The following LRRC4C variants were observed in gnomAD, a reference collection of about 807,000 sequenced individuals.
LRRC4C encodes the protein leucine rich repeat containing 4C.
In LRRC4C, 5 loss-of-function variants were observed where a neutral mutation model predicts 33.6. The observed-to-expected ratio is 0.15, with a 90% CI of 0.08 to 0.31. The LOEUF is 0.31. Among genes scored for constraint, LRRC4C ranks in the 10% least tolerant of loss-of-function variants. The probability of loss-of-function intolerance (pLI) is 1.00; values close to 1 mark genes in which losing one functional copy is unlikely to be tolerated. For synonymous variants in LRRC4C, 329 were observed against 302.0 expected (o/e 1.09, Z -0.93); for missense variants, 560 against 796.7 (o/e 0.70, Z 3.58).
chr11:40,995,428 A>G (rs1853899584), intron 1 of LRRC4C, among the ~76,000 whole-genome samples: 1 of 152,040 alleles, frequency 6.6e-6, no homozygotes, highest in Admixed American at 6.6e-5. Context: ...CTCCAACAAC[A>G]TGGCTAAATC....
chr11:40,133,190 G>A (rs1187509490), intron 6 of LRRC4C, among the ~76,000 whole-genome samples: 2 of 152,102 alleles, frequency 1.3e-5, no homozygotes, highest in Admixed American at 6.5e-5. Flanking sequence ...CTTCGAAAAT[G>A]CTCTGTGCTA....
intron 4 of LRRC4C, among the ~76,000 whole-genome samples, chr11:40,247,141 T>C (rs1866406719): frequency 6.6e-6 from 1 of 152,026 alleles, no homozygotes; most frequent in African/African-American, 2.4e-5. Flanking sequence ...AATTTAAATA[T>C]GGACCTTTTT....
At chr11:40,183,304 A>G (rs1861159311) in intron 5 of LRRC4C, among the ~76,000 whole-genome samples, 1 of 152,134 alleles carries the variant, frequency 6.6e-6, no homozygotes, top group African/African-American at 2.4e-5. Flanking sequence ...CTTTCATTTG[A>G]GTGCTTTTTC....
intron 4 of LRRC4C, among the ~76,000 whole-genome samples, chr11:40,276,479 A>C (rs2136396637): frequency 6.6e-6 from 1 of 152,286 alleles, no homozygotes; most frequent in African/African-American, 2.4e-5. Flanking sequence ...TCATTCAAAT[A>C]TGGAGCAGGC....
intron 3 of LRRC4C, among the ~76,000 whole-genome samples, chr11:40,409,649 C>T (rs542222630): frequency 1.8e-4 from 28 of 152,124 alleles, no homozygotes; most frequent in South Asian, 8.3e-4. Context: ...CATCATTAAT[C>T]GTCAGGAAAG....
chr11:40,204,579 C>T (rs1863006527), intron 5 of LRRC4C, among the ~76,000 whole-genome samples: 1 of 152,106 alleles, frequency 6.6e-6, no homozygotes, highest in Non-Finnish European at 1.5e-5. Context: ...GAGAGTTGAA[C>T]ATTCCTGCCT....
intron 1 of LRRC4C, among the ~76,000 whole-genome samples, chr11:41,154,383 C>T (rs1469456609): frequency 6.6e-6 from 1 of 152,140 alleles, no homozygotes; most frequent in East Asian, 1.9e-4. Context: ...TTCATTATGG[C>T]CTTTATCATT....
intron 3 of LRRC4C, among the ~76,000 whole-genome samples, chr11:40,512,134 A>G (rs1406807751): frequency 6.6e-6 from 1 of 152,186 alleles, no homozygotes; most frequent in Non-Finnish European, 1.5e-5. Context: ...ACACTAATCT[A>G]TAAATTCTAC....
chr11:41,026,646 CTTTAT>C (rs900840566), intron 1 of LRRC4C, among the ~76,000 whole-genome samples: 8 of 151,238 alleles, frequency 5.3e-5, no homozygotes, highest in East Asian at 1.9e-4. Context: ...TGCATTGTTT[CTTTAT>C]TTTAAGAAAT....
At chr11:41,158,194 T>A (rs1333568090) in intron 1 of LRRC4C, among the ~76,000 whole-genome samples, 1 of 152,114 alleles carries the variant, frequency 6.6e-6, no homozygotes, top group African/African-American at 2.4e-5. Context: ...AAAACAATTA[T>A]CAATTTGCTA....
intron 1 of LRRC4C, among the ~76,000 whole-genome samples, chr11:41,315,052 A>G (rs1464098787): frequency 2.0e-5 from 3 of 152,206 alleles, no homozygotes; most frequent in African/African-American, 7.2e-5. Flanking sequence ...CATATATTCT[A>G]CAAGTTATGA....
intron 1 of LRRC4C, among the ~76,000 whole-genome samples, chr11:41,230,630 T>C (rs771577593): frequency 6.6e-6 from 1 of 151,578 alleles, no homozygotes; most frequent in Non-Finnish European, 1.5e-5. Context: ...CTGCCAGTGG[T>C]GTTTTCCTTC....
At chr11:41,397,064 G>T (rs1347419271) in intron 1 of LRRC4C, among the ~76,000 whole-genome samples, 1 of 151,926 alleles carries the variant, frequency 6.6e-6, no homozygotes, top group African/African-American at 2.4e-5. Flanking sequence ...AAGTTATTGG[G>T]ATCATAGAGA....
At chr11:40,411,992 TA>T (rs1243691228) in intron 3 of LRRC4C, among the ~76,000 whole-genome samples, 3 of 152,084 alleles carry the variant, frequency 2.0e-5, no homozygotes, top group East Asian at 1.9e-4. Flanking sequence ...TTCTTAATGT[TA>T]AAAATATATG....
At chr11:41,064,825 G>C (rs1271502513) in intron 1 of LRRC4C, among the ~76,000 whole-genome samples, 1 of 152,180 alleles carries the variant, frequency 6.6e-6, no homozygotes, top group Non-Finnish European at 1.5e-5. Flanking sequence ...CGGAGTCGGG[G>C]GACCTCCCTT....
At position 40,893,818 on chromosome 11, in the gene LRRC4C, AACACACACACACACACACAC is replaced by A. The variant is rs55810825; in HGVS notation, c.-407+39797_-407+39816del. Among the ~76,000 whole-genome samples the A allele has an allele frequency of 4.3e-5, 3 of 70,054 alleles. No individual in the cohort carries two copies. In the East Asian group the frequency reaches 1.5e-3, roughly 34 times the overall value. The allele number at this position is 70,054 out of a possible 152,430, so 46.0% of individuals were successfully genotyped here. On this transcript the variant is annotated intron_variant, in intron 2 of 6. Transcript: ENST00000528697. ...GAAAAATGTTTTAGTTACGTATTAT[AACACACACACACACACACAC>A]ACACACACACACATTCACACAGAGG...
chr11:41,100,410 A>G (rs1565382847), intron 1 of LRRC4C, among the ~76,000 whole-genome samples: 1 of 151,940 alleles, frequency 6.6e-6, no homozygotes, highest in Non-Finnish European at 1.5e-5. Context: ...TACTAAAAAT[A>G]CAAAAAAGTA....
chr11:41,431,949 G>T (rs1237883336), intron 1 of LRRC4C, among the ~76,000 whole-genome samples: 1 of 152,090 alleles, frequency 6.6e-6, no homozygotes, highest in Non-Finnish European at 1.5e-5. Flanking sequence ...TCAGGTCTAG[G>T]AGTATGTCAT....
At chr11:41,267,323 G>A (rs1949182868) in intron 1 of LRRC4C, among the ~76,000 whole-genome samples, 1 of 151,966 alleles carries the variant, frequency 6.6e-6, no homozygotes, top group South Asian at 2.1e-4. Context: ...ACTTAGAAGG[G>A]GTAGACTGCT....
Sources: gnomAD v4.1 joint callset for allele counts (sites outside exome capture counted in the v4.1 genomes callset) on GRCh38, gnomAD v4.1.1 for gene constraint, MANE v1.5 for transcripts, NCBI Gene and HGNC (gene_info 2026-07-23, HGNC 2026-07-21) for gene names.